Variants in MAFK observed in about 807,000 individuals in gnomAD.
MAFK encodes the protein MAF bZIP transcription factor K.
MAFK carries 1 observed loss-of-function variant against 9.2 expected under a neutral mutation model. The observed-to-expected ratio is 0.11, with a 90% CI of 0.04 to 0.52. MAFK has a LOEUF of 0.52. Among genes scored for constraint, MAFK ranks in the 20% least tolerant of loss-of-function variants. The pLI is 0.94. For missense variants in MAFK, 207 were observed against 236.0 expected (o/e 0.88, Z 0.81); for synonymous variants, 110 against 107.4 (o/e 1.02, Z -0.15).
At position 1,540,716 on chromosome 7, in the gene MAFK, G is replaced by A. The variant is rs566019667; in HGVS notation, c.*341G>A. 2.6e-4 allele frequency: 76 copies of A among 290,878 alleles called. No homozygotes were observed. The Middle Eastern group carries it at 3.3e-3, about 13-fold the overall frequency. The allele number at this position is 290,878 out of a possible 1,614,324, so 18.0% of individuals were successfully genotyped here. On this transcript the variant is annotated 3_prime_UTR_variant, in exon 3 of 3. Coordinates refer to ENST00000343242, the MANE Select transcript of MAFK (RefSeq NM_002360.4). ...TTCCGCGTCCTCTGTGGGGGCTGCC[G>A]GAAGACACGGCCCCAGGAGTCAGGC...
At chr7:1,539,094 C>T in intron 1 of MAFK, 55 bp from the exon 2 acceptor site, 1 of 1,416,492 alleles carries the variant, frequency 7.1e-7, no homozygotes, top group Non-Finnish European at 9.9e-7. Flanking sequence ...GGCACCCTGT[C>T]CGGCGCTGCC....
rs1442944791 is a variant in MAFK at position 1,542,013 on chromosome 7, C to T, written c.*1638C>T. 6.6e-6 allele frequency: 1 copy of T among 152,162 alleles called. No individual in the cohort carries two copies. The highest frequency in any genetic ancestry group is 2.4e-5 in the African/African-American group (1 of 41,434). The allele number at this position is 152,162 out of a possible 1,614,324, so 9.4% of individuals were successfully genotyped here. The stretch of plus-strand genomic sequence containing the variant: ...AGAGCCCAGGCGGGTGCCAGCCACG[C>T]TGGGAGGGCAGAGGACAGACAGCCC... On this transcript the variant is annotated 3_prime_UTR_variant, in exon 3 of 3. Transcript: ENST00000343242.
At chr7:1,538,578 G>T in intron 1 of MAFK, 1 of 376,548 alleles carries the variant, frequency 2.7e-6, no homozygotes, top group African/African-American at 2.2e-5. Context: ...GGGGATCCAG[G>T]CTGGGTCCGG....
intron 1 of MAFK, among the ~76,000 whole-genome samples, chr7:1,536,131 G>A (rs1387687564): frequency 1.3e-5 from 2 of 152,216 alleles, no homozygotes; most frequent in African/African-American, 4.8e-5. Context: ...CGCTGCTCCC[G>A]GGACGTGGGG....
intron 1 of MAFK, among the ~76,000 whole-genome samples, chr7:1,536,206 C>T (rs963616097): frequency 6.6e-5 from 10 of 152,214 alleles, no homozygotes; most frequent in African/African-American, 2.2e-4. Context: ...CAGACCCGCC[C>T]ACCCAGGCCC....
rs1784194083 is a variant in MAFK, at chr7:1,541,679, GGCTGGCCTC to G, written c.*1305_*1313del. 1.3e-5 allele frequency: 2 copies of G among 152,244 alleles called. No homozygotes were observed. The highest frequency in any genetic ancestry group is 4.8e-5 in the African/African-American group (2 of 41,410). 9.4% of individuals were successfully genotyped at this position (152,244 alleles called of 1,614,324 possible). On this transcript the variant is annotated 3_prime_UTR_variant, in exon 3 of 3. Coordinates refer to ENST00000343242, the MANE Select transcript of MAFK (RefSeq NM_002360.4). ...GAGCACAGCCACGGGCTGCAGGTGT[GGCTGGCCTC>G]AGCACTCAGTCCTCACCCGGAGCCT...
intron 1 of MAFK, among the ~76,000 whole-genome samples, chr7:1,531,521 G>A (rs2128550506): frequency 6.6e-6 from 1 of 152,306 alleles, no homozygotes; most frequent in East Asian, 1.9e-4. Flanking sequence ...AGGGTTGCTG[G>A]AAGGAAGGCC....
intron 1 of MAFK, 140 bp from the exon 2 acceptor site, chr7:1,539,009 G>C (rs1784107738): frequency 5.8e-6 from 4 of 690,152 alleles, no homozygotes; most frequent in Non-Finnish European, 7.6e-6. Context: ...GCTGGGCCCG[G>C]ATGGTGCCCC....
At chr7:1,539,262 C>A in intron 2 of MAFK, 34 bp downstream of exon 2, 1 of 1,580,180 alleles carries the variant, frequency 6.3e-7, no homozygotes, top group Non-Finnish European at 8.7e-7. Flanking sequence ...CCGTCTCAAG[C>A]ACAGGCGTGG....
chr7:1,539,283 C>A, intron 2 of MAFK, 55 bp downstream of exon 2: 1 of 1,431,486 alleles, frequency 7.0e-7, no homozygotes, highest in Non-Finnish European at 9.6e-7. Context: ...GAAAGGCCCC[C>A]GGCCCGACAG....
chr7:1,537,198 C>T (rs1001736299), intron 1 of MAFK, among the ~76,000 whole-genome samples: 2 of 152,260 alleles, frequency 1.3e-5, no homozygotes, highest in Non-Finnish European at 1.5e-5. Flanking sequence ...GAGCCCCACA[C>T]GTCACCGTGG....
chr7:1,539,272 G>A, intron 2 of MAFK, 44 bp downstream of exon 2: 1 of 1,536,910 alleles, frequency 6.5e-7, no homozygotes, highest in Non-Finnish European at 8.9e-7. Context: ...CACAGGCGTG[G>A]GAAAGGCCCC....
intron 1 of MAFK, 61 bp from the exon 2 acceptor site, chr7:1,539,087 AC>A: frequency 7.5e-7 from 1 of 1,324,660 alleles, no homozygotes; most frequent in Non-Finnish European, 1.1e-6. Context: ...GGAGGTGGGC[AC>A]CCTGTCCGGC....
intron 1 of MAFK, among the ~76,000 whole-genome samples, chr7:1,533,389 C>T (rs1783947969): frequency 6.6e-6 from 1 of 152,218 alleles, no homozygotes; most frequent in Non-Finnish European, 1.5e-5. Context: ...GGCCCCCTGT[C>T]CCCAGAAGGA....
rs772478843 is a variant in MAFK at position 1,540,153 on chromosome 7, C to T, written c.249C>T (p.Arg83=). ...VTQKEELERQ[R]VELQQEVEKL... is the part of the protein sequence containing the mutation. ...AGAAGGAGGAGCTGGAGCGGCAGCG[C>T]GTGGAGCTGCAGCAGGAGGTGGAGA... The change falls in exon 3 of 3, where the codon CGC becomes CGT. Residue 83 remains arginine (R), a synonymous_variant. Transcript: ENST00000343242. 2.9e-5 allele frequency: 46 copies of T among 1,570,318 alleles called. No homozygotes were observed. Among genetic ancestry groups the T allele is most frequent in the Middle Eastern group, 1.7e-4 (1 of 6,028 alleles).
At chr7:1,539,529 GCAGCGTGGC>G (rs3217410) in intron 2 of MAFK, among the ~76,000 whole-genome samples, 112,557 of 151,280 alleles carry the variant, frequency 0.74, 42,709 homozygotes, top group African/African-American at 0.92. Flanking sequence ...CCAGGCGTGG[GCAGCGTGGC>G]CAGCGTGGCC....
rs1286351157 is a variant in MAFK at position 1,540,479 on chromosome 7, C to A, written c.*104C>A. 3.9e-5 allele frequency: 45 copies of A among 1,161,104 alleles called. No homozygotes were observed. The East Asian group carries it at 6.8e-4, about 18-fold the overall frequency. 71.9% of individuals were successfully genotyped at this position (1,161,104 alleles called of 1,614,324 possible). ...GGATGCAGACTCTCGACATCCGAGTCCAAGCGCAGGCCCCTCGGGCGCAGG... is the reference window on the plus strand; with the variant it reads ...GGATGCAGACTCTCGACATCCGAGTACAAGCGCAGGCCCCTCGGGCGCAGG... On this transcript the variant is annotated 3_prime_UTR_variant, in exon 3 of 3. Transcript: ENST00000343242.
chr7:1,540,415 G>T lies in MAFK; in HGVS notation c.*40G>T. ...GGGGGGTGGCGGGCGGCGGGCGGCG[G>T]GCAGGCGGGTGGGGGCACACCCCTC... On this transcript the variant is annotated 3_prime_UTR_variant, in exon 3 of 3. Coordinates refer to ENST00000343242, the MANE Select transcript of MAFK (RefSeq NM_002360.4). 1 of 1,297,672 alleles carries T rather than the reference G, an allele frequency of 7.7e-7. No homozygotes were observed. The highest frequency in any genetic ancestry group is 1.5e-5 in the South Asian group (1 of 65,956). The allele number at this position is 1,297,672 out of a possible 1,614,324, so 80.4% of individuals were successfully genotyped here. A position where few individuals can be genotyped will look rare whatever the true frequency, so the allele number is the denominator to read the frequency against.
At position 1,534,226 on chromosome 7, in the gene MAFK, T is replaced by C. The variant is rs1465898289; in HGVS notation, c.-45+3328T>C. 2 of 455,362 alleles carry C rather than the reference T, an allele frequency of 4.4e-6. No individual in the cohort carries two copies. Among genetic ancestry groups the C allele is most frequent in the African/African-American group, 2.0e-5 (1 of 50,122 alleles). 28.2% of individuals were successfully genotyped at this position (455,362 alleles called of 1,614,324 possible). On this transcript the variant is annotated intron_variant, in intron 1 of 2. Transcript: ENST00000343242. The surrounding 1 kb of genome is among the most constrained non-coding windows in gnomAD (Gnocchi z 4.3). ...AGCCGGACAGTGGGGGCCCTCGCAGTGTAGGACCTCATCCTCAGTAGGAAG... is the reference window on the plus strand; with the variant it reads ...AGCCGGACAGTGGGGGCCCTCGCAGCGTAGGACCTCATCCTCAGTAGGAAG...
Sources: gnomAD v4.1 joint callset for allele counts (sites outside exome capture counted in the v4.1 genomes callset) on GRCh38, gnomAD v4.1.1 for gene constraint, Gnocchi (gnomAD v3.1) non-coding constraint, MANE v1.5 for transcripts, NCBI Gene and HGNC (gene_info 2026-07-23, HGNC 2026-07-21) for gene names.